The following GPATCH8 variants were observed in gnomAD, a reference collection of about 807,000 sequenced individuals.
GPATCH8 encodes G-patch domain containing 8.
A neutral mutation model predicts 118.3 loss-of-function variants in GPATCH8; 18 were observed. The ratio of observed to expected loss-of-function variants is 0.15; its 90% CI spans 0.11 to 0.23. The LOEUF is 0.23. GPATCH8 is among the 10% of genes least tolerant of loss of function. The pLI, the probability that GPATCH8 is intolerant of heterozygous loss-of-function variation, is 1.00. For missense variants in GPATCH8, 1,631 were observed against 1,873.8 expected (o/e 0.87, Z 2.39); for synonymous variants, 659 against 684.7 (o/e 0.96, Z 0.59).
chr17:44,407,679 T>TG (rs1001350370), intron 6 of GPATCH8, among the ~76,000 whole-genome samples: 3 of 144,774 alleles, frequency 2.1e-5, no homozygotes, highest in Non-Finnish European at 4.6e-5. Context: ...TTTTTTGAGA[T>TG]GGAGTCTCAC....
intron 6 of GPATCH8, among the ~76,000 whole-genome samples, chr17:44,410,730 A>G (rs2049398873): frequency 1.3e-5 from 2 of 152,212 alleles, no homozygotes; most frequent in African/African-American, 2.4e-5. Context: ...CCAAAACAGT[A>G]TACATTTGTG....
In GPATCH8 at chr17:44,410,787, A is replaced by G. The variant is rs77045818; in HGVS notation, c.493-4736T>C. On this transcript the variant is annotated intron_variant, in intron 6 of 7. Transcript: ENST00000591680. The stretch of plus-strand genomic sequence containing the variant: ...ACATTTCCCACAGATCCTTAATCAC[A>G]TGGTGGCTGGGATTTCCATTACACC... Among the ~76,000 whole-genome samples the G allele has an allele frequency of 2.9e-3, 446 of 152,336 alleles. 1 individual carries two copies. The highest frequency in any genetic ancestry group is 0.01 in the African/African-American group (425 of 41,576).
intron 3 of GPATCH8, among the ~76,000 whole-genome samples, chr17:44,462,109 T>C (rs536240581): frequency 1.6e-3 from 240 of 152,304 alleles, no homozygotes; most frequent in African/African-American, 5.3e-3. Flanking sequence ...TTCTCCCTCC[T>C]TTCTCTCTGC....
At chr17:44,403,839 G>A (rs981014102) in intron 7 of GPATCH8, among the ~76,000 whole-genome samples, 6 of 151,730 alleles carry the variant, frequency 4.0e-5, no homozygotes, top group South Asian at 2.1e-4. Context: ...GATTACAGGC[G>A]TACGCCACCA....
chr17:44,398,478 C>A lies in GPATCH8; in HGVS notation c.3599G>T (p.Gly1200Val). 1 of 1,609,166 alleles carries A rather than the reference C, an allele frequency of 6.2e-7. No individual in the cohort carries two copies. Among genetic ancestry groups the A allele is most frequent in the Non-Finnish European group, 8.5e-7 (1 of 1,177,470 alleles). The stretch of plus-strand genomic sequence containing the variant: ...TTCTGGGGGTGGGTCTAATAAGGGG[C>A]CAGTTGTTTCCTCTGAAGGGAACTG... ...GHQFPSEETT[G>V]PLLDPPPEES... is the part of the protein sequence containing the mutation. Residue 1200 changes from glycine to valine, a missense_variant, in exon 8 of 8, where the codon GGC becomes GTC. By Grantham distance (109) the Gly-to-Val change is moderately radical. Coordinates refer to ENST00000591680, the MANE Select transcript of GPATCH8 (RefSeq NM_001002909.4).
intron 6 of GPATCH8, 32 bp downstream of exon 6, chr17:44,424,317 C>A: frequency 3.4e-6 from 5 of 1,469,592 alleles, no homozygotes; most frequent in South Asian, 1.1e-5. Flanking sequence ...TAGATAGGTA[C>A]CTTCTTCTGT....
intron 1 of GPATCH8, among the ~76,000 whole-genome samples, chr17:44,478,642 C>T (rs1302566514): frequency 1.4e-4 from 21 of 151,672 alleles, no homozygotes; most frequent in Non-Finnish European, 2.6e-4. Flanking sequence ...GACTGGGTAA[C>T]AAACCAAGAG....
chr17:44,416,979 G>C lies in GPATCH8; in HGVS notation c.492+7370C>G, dbSNP rs572867439. ...CAGGTATTTTAGCAGAAAGAAGAGG[G>C]AGGCTAAAAGCATATTCCTCTGACT... is the stretch of plus-strand genomic sequence containing the variant. On this transcript the variant is annotated intron_variant, in intron 6 of 7. Coordinates refer to ENST00000591680, the MANE Select transcript of GPATCH8 (RefSeq NM_001002909.4). Among the ~76,000 whole-genome samples, 7 of 152,214 alleles carry C rather than the reference G, an allele frequency of 4.6e-5. No homozygotes were observed. The South Asian group carries it at 1.2e-3, about 27-fold the overall frequency.
chr17:44,483,017 A>G (rs1045740856), intron 1 of GPATCH8, among the ~76,000 whole-genome samples: 9 of 147,260 alleles, frequency 6.1e-5, no homozygotes, highest in Non-Finnish European at 1.5e-5. Context: ...TTAGCCAGGC[A>G]TGGTGGCTGG....
chr17:44,430,276 AC>A (rs754495691), intron 5 of GPATCH8, among the ~76,000 whole-genome samples: 1 of 152,178 alleles, frequency 6.6e-6, no homozygotes, highest in Non-Finnish European at 1.5e-5. Flanking sequence ...AAAATGCTCA[AC>A]AAAATGCTAT....
intron 3 of GPATCH8, among the ~76,000 whole-genome samples, chr17:44,461,448 T>C (rs184352115): frequency 7.3e-4 from 111 of 152,164 alleles, no homozygotes; most frequent in African/African-American, 2.6e-3. Context: ...CTTCCCAAAG[T>C]GCTGGGATTT....
intron 1 of GPATCH8, among the ~76,000 whole-genome samples, chr17:44,493,094 C>T (rs577054660): frequency 7.7e-6 from 1 of 129,846 alleles, no homozygotes; most frequent in African/African-American, 2.9e-5. Context: ...CATTCTGTCA[C>T]CCAGGCTAGA....
intron 5 of GPATCH8, among the ~76,000 whole-genome samples, chr17:44,428,249 T>G (rs183724925): frequency 6.6e-6 from 1 of 152,080 alleles, no homozygotes; most frequent in Non-Finnish European, 1.5e-5. Context: ...TCCCAGCACT[T>G]TGGGAGGCCG....
intron 6 of GPATCH8, among the ~76,000 whole-genome samples, chr17:44,406,736 T>G (rs1446474584): frequency 1.3e-5 from 2 of 152,182 alleles, no homozygotes; most frequent in Non-Finnish European, 2.9e-5. Flanking sequence ...GAGAGGAATA[T>G]CCAGGGGATG....
chr17:44,420,065 G>C (rs35203463), intron 6 of GPATCH8, among the ~76,000 whole-genome samples: 4,835 of 150,354 alleles, frequency 0.032, 163 homozygotes, highest in East Asian at 0.16. Context: ...TGCGTAAGAT[G>C]AGCTTTTAAG....
rs1306142543 is a variant in GPATCH8 at position 44,397,802 on chromosome 17, G to A, written c.4275C>T (p.Ile1425=). 2 of 1,586,116 alleles carry A rather than the reference G, an allele frequency of 1.3e-6. No individual in the cohort carries two copies. The highest frequency in any genetic ancestry group is 8.6e-7 in the Non-Finnish European group (1 of 1,163,640). Reference sequence around the variant, plus strand: ...GAAAGGTGGCAGGGTGGCCAGGGATGATTGAGTGAGTGAGGTGGGACAAAG... The same window carrying A: ...GAAAGGTGGCAGGGTGGCCAGGGATAATTGAGTGAGTGAGGTGGGACAAAG... ...PISLSHLTHS[I]IPGHPATFLA... is the part of the protein sequence containing the mutation. Residue 1425 remains isoleucine (I), a synonymous_variant, in exon 8 of 8, where the codon ATC becomes ATT. Transcript: ENST00000591680.
rs957636312 is a variant in GPATCH8, at chr17:44,396,068, C to T, written c.*1500G>A. The T allele has an allele frequency of 2.2e-6, 1 of 454,408 alleles. No individual in the cohort carries two copies. Among genetic ancestry groups the T allele is most frequent in the African/African-American group, 2.0e-5 (1 of 49,980 alleles). The allele number at this position is 454,408 out of a possible 1,614,324, so 28.1% of individuals were successfully genotyped here. On this transcript the variant is annotated 3_prime_UTR_variant, in exon 8 of 8. Transcript: ENST00000591680. ...GCAAAATATCTGTAAATGTGCTCACCTCCCAACAAAAGGAAGACTGTCCCA... is the reference window on the plus strand; with the variant it reads ...GCAAAATATCTGTAAATGTGCTCACTTCCCAACAAAAGGAAGACTGTCCCA...
intron 1 of GPATCH8, among the ~76,000 whole-genome samples, chr17:44,491,259 G>A (rs1969222483): frequency 6.6e-6 from 1 of 152,162 alleles, no homozygotes; most frequent in Non-Finnish European, 1.5e-5. Context: ...GGGAGGCCAA[G>A]GCAGGTGGAT....
Position 44,457,037 on chromosome 17 carries a change from A to G in GPATCH8, c.193+7435T>C, listed in dbSNP as rs1344751024. Among the ~76,000 whole-genome samples, 4 of 151,820 alleles carry G rather than the reference A, an allele frequency of 2.6e-5. No individual in the cohort carries two copies. The East Asian group carries it at 7.7e-4, about 29-fold the overall frequency. On this transcript the variant is annotated intron_variant, in intron 3 of 7. Transcript: ENST00000591680. ...ACCACCACACCCAGCTAATTTTTAT[A>G]TTTTTAGTAGAGAAGGGGTTTCACC... is the stretch of plus-strand genomic sequence containing the variant.
Sources: allele counts gnomAD v4.1 joint callset (sites outside exome capture counted in the v4.1 genomes callset), GRCh38; gene constraint gnomAD v4.1.1; transcripts MANE v1.5; gene names NCBI Gene and HGNC (gene_info 2026-07-23, HGNC 2026-07-21).